TAB2: variants seen among roughly 807,000 people sequenced by gnomAD.
The protein encoded by TAB2 is TGF-beta activated kinase 1 (MAP3K7) binding protein 2, also known as TGF-beta-activated kinase 1 and MAP3K7-binding protein 2.
In TAB2, 3 loss-of-function variants were observed where a neutral mutation model predicts 65.0. That is an observed-to-expected ratio of 0.05 (90% CI 0.02 to 0.12). The LOEUF (loss-of-function observed/expected upper bound fraction) is 0.12. TAB2 is among the 10% of genes least tolerant of loss of function. The pLI is 1.00. For missense variants in TAB2, 623 were observed against 840.3 expected (o/e 0.74, Z 3.20); for synonymous variants, 298 against 285.1 (o/e 1.05, Z -0.46).
At chr6:149,346,746 G>T (rs1304457127) in intron 1 of TAB2, 1 of 152,026 alleles carries the variant, frequency 6.6e-6, no homozygotes, top group Non-Finnish European at 1.5e-5. Flanking sequence ...AAGCCACCGT[G>T]CCCAGCTGGT....
chr6:149,409,681 A>G lies in TAB2; in HGVS notation c.2044A>G (p.Ile682Val). The change falls in exon 7 of 7, where the codon ATT becomes GTT. Residue 682 changes from isoleucine to valine, a missense_variant. Coordinates refer to ENST00000637181, the MANE Select transcript of TAB2 (RefSeq NM_001292034.3). ...TACTTTTTTGAACCATCCAGCCTTA[A>G]TTCGCTGTGAACAGTGTGAGATGCC... Reference protein sequence around the residue: ...ACTFLNHPALIRCEQCEMPRH... With the variant: ...ACTFLNHPALVRCEQCEMPRH... 2 of 1,614,176 alleles carry G rather than the reference A, an allele frequency of 1.2e-6. No homozygotes were observed. Among genetic ancestry groups the G allele is most frequent in the Middle Eastern group, 1.7e-4 (1 of 6,060 alleles).
intron 1 of TAB2, chr6:149,244,894 A>C (rs547355621): frequency 6.6e-6 from 1 of 152,064 alleles, no homozygotes; most frequent in South Asian, 2.1e-4. Context: ...AAAAAAAAAA[A>C]ACAACAAGAT....
chr6:149,339,278 G>A (rs1432730286), intron 1 of TAB2, among the ~76,000 whole-genome samples: 2 of 152,012 alleles, frequency 1.3e-5, no homozygotes, highest in East Asian at 1.9e-4. Flanking sequence ...CAGGAGAATC[G>A]CTTGAAGTGG....
chr6:149,308,610 C>G (rs977143781), intron 1 of TAB2, among the ~76,000 whole-genome samples: 47 of 152,020 alleles, frequency 3.1e-4, no homozygotes, highest in Non-Finnish European at 2.6e-4. Context: ...CTCACCGTAA[C>G]CTCCGCCTCC....
In TAB2 at chr6:149,378,069, A is replaced by C; in HGVS notation, c.154A>C (p.Arg52=). 6.2e-7 allele frequency: 1 copy of C among 1,614,150 alleles called. No individual in the cohort carries two copies. Among genetic ancestry groups the C allele is most frequent in the East Asian group, 2.2e-5 (1 of 44,882 alleles). ...CCAVLSQEST[R]YLYGEGDLNF... is the part of the protein sequence containing the mutation. ...TGCTGTTCTCTCTCAGGAGAGTACA[A>C]GATATCTTTATGGTGAAGGAGACTT... Residue 52 remains arginine (R), a synonymous_variant, in exon 3 of 7, where the codon AGA becomes CGA. Transcript: ENST00000637181.
intron 2 of TAB2, among the ~76,000 whole-genome samples, chr6:149,372,001 C>G (rs9285520): frequency 0.24 from 35,883 of 151,916 alleles, 4,428 homozygotes; most frequent in Non-Finnish European, 0.26. Context: ...CTATGCTGTT[C>G]AGTAGGTTAT....
chr6:149,277,958 AAC>A (rs1252582030), intron 1 of TAB2, among the ~76,000 whole-genome samples: 1 of 109,740 alleles, frequency 9.1e-6, no homozygotes, highest in African/African-American at 4.9e-5. Context: ...ACTTTTCAAA[AAC>A]ATATTAATGA....
chr6:149,312,923 T>C (rs9404028), upstream of TAB2, among the ~76,000 whole-genome samples: 5,590 of 152,286 alleles, frequency 0.037, 166 homozygotes, highest in South Asian at 0.11. Context: ...CCATGTTGCA[T>C]AATAAATCTC....
intron 5 of TAB2, 112 bp downstream of exon 5, chr6:149,398,174 G>T: frequency 1.1e-6 from 1 of 914,902 alleles, no homozygotes; most frequent in Non-Finnish European, 1.7e-6. Context: ...AGAACATGTG[G>T]CTTTGGAGCC....
intron 1 of TAB2, among the ~76,000 whole-genome samples, chr6:149,298,532 G>A (rs1778917156): frequency 6.6e-6 from 1 of 152,154 alleles, no homozygotes. Flanking sequence ...GGAGGCTGAG[G>A]TGGGAGACTT....
chr6:149,371,010 G>A (rs1456244703), intron 2 of TAB2, among the ~76,000 whole-genome samples: 1 of 140,602 alleles, frequency 7.1e-6, no homozygotes, highest in Non-Finnish European at 1.5e-5. Flanking sequence ...AGGTTGCAGT[G>A]AGCTGGGATC....
chr6:149,242,566 C>T (rs530093504), intron 1 of TAB2, among the ~76,000 whole-genome samples: 7 of 152,294 alleles, frequency 4.6e-5, no homozygotes, highest in Middle Eastern at 6.8e-3. Flanking sequence ...GGCATTTCCT[C>T]TGAGGTTGAG....
intron 1 of TAB2, chr6:149,246,006 G>A (rs577546460): frequency 6.6e-5 from 10 of 151,932 alleles, no homozygotes; most frequent in Admixed American, 1.3e-4. Flanking sequence ...TACAAGCTCC[G>A]CTCCGAGGTT....
intron 1 of TAB2, among the ~76,000 whole-genome samples, chr6:149,353,228 GTGC>G (rs142975108): frequency 1.3e-5 from 2 of 151,708 alleles, no homozygotes; most frequent in African/African-American, 2.4e-5. Context: ...AAAGCTCTGG[GTGC>G]TGCTGCTGCT....
intron 3 of TAB2, among the ~76,000 whole-genome samples, chr6:149,394,057 C>G (rs539945431): frequency 4.6e-4 from 70 of 152,074 alleles, no homozygotes; most frequent in African/African-American, 1.6e-3. Context: ...GCCTTTTTCT[C>G]TCCTCTTTTG....
chr6:149,368,631 T>C (rs73613096), intron 1 of TAB2, among the ~76,000 whole-genome samples: 2 of 146,692 alleles, frequency 1.4e-5, no homozygotes, highest in African/African-American at 2.5e-5. Flanking sequence ...AACACTACTT[T>C]TGAATGCGAA....
rs17085870 is a variant in TAB2 at position 149,365,291 on chromosome 6, A to G, written c.-89-4618A>G. 8.1e-3 allele frequency among the ~76,000 whole-genome samples: 1,239 copies of G among 152,310 alleles called. 16 individuals carry two copies. The highest frequency in any genetic ancestry group is 0.028 in the African/African-American group (1,160 of 41,570). On this transcript the variant is annotated intron_variant, in intron 1 of 6. Coordinates refer to ENST00000637181, the MANE Select transcript of TAB2 (RefSeq NM_001292034.3). ...TTTGTTTTGAAATTAAGTAAATACCAATTGTTTCAGTAATGTGTTTGGGTT... is the reference window on the plus strand; with the variant it reads ...TTTGTTTTGAAATTAAGTAAATACCGATTGTTTCAGTAATGTGTTTGGGTT...
intron 1 of TAB2, among the ~76,000 whole-genome samples, chr6:149,295,322 T>G (rs1362748459): frequency 1.3e-5 from 2 of 152,230 alleles, no homozygotes; most frequent in Non-Finnish European, 2.9e-5. Context: ...CAGTGGGTTC[T>G]AAGTAAGGAT....
chr6:149,343,509 T>A (rs1392190665), intron 1 of TAB2, among the ~76,000 whole-genome samples: 1 of 152,170 alleles, frequency 6.6e-6, no homozygotes, highest in African/African-American at 2.4e-5. Flanking sequence ...CTTCAGTAAT[T>A]GGAAATTAGA....
Sources: gnomAD v4.1 joint callset for allele counts (sites outside exome capture counted in the v4.1 genomes callset) on GRCh38, gnomAD v4.1.1 for gene constraint, MANE v1.5 for transcripts, NCBI Gene and HGNC (gene_info 2026-07-23, HGNC 2026-07-21) for gene names.